PLXDC2: variants seen among roughly 807,000 people sequenced by gnomAD.
The protein encoded by PLXDC2 is plexin domain containing 2, also known as plexin domain-containing protein 2.
PLXDC2 carries 40 observed loss-of-function variants against 68.9 expected under a neutral mutation model. The ratio of observed to expected loss-of-function variants is 0.58; its 90% CI spans 0.45 to 0.76. The LOEUF is 0.76. Among genes scored for constraint, PLXDC2 ranks in the 30% least tolerant of loss-of-function variants. The pLI, the probability that PLXDC2 is intolerant of heterozygous loss-of-function variation, is 0.00. For synonymous variants in PLXDC2, 243 were observed against 234.2 expected, an observed-to-expected ratio of 1.04 and a Z score of -0.34; for missense variants, 644 against 661.9, an observed-to-expected ratio of 0.97 and a Z score of 0.30.
intron 1 of PLXDC2, among the ~76,000 whole-genome samples, chr10:19,924,902 C>T (rs1053253553): frequency 2.6e-5 from 4 of 152,094 alleles, no homozygotes; most frequent in African/African-American, 7.2e-5. Flanking sequence ...TTCCTGGTGC[C>T]CATTTTATTA....
intron 1 of PLXDC2, among the ~76,000 whole-genome samples, chr10:19,932,026 C>G (rs1248189450): frequency 6.6e-6 from 1 of 151,540 alleles, no homozygotes; most frequent in Admixed American, 6.6e-5. Context: ...GCCTGAAGAA[C>G]TTGCATGACT....
chr10:19,909,017 G>A (rs1589530919), intron 1 of PLXDC2, among the ~76,000 whole-genome samples: 2 of 152,168 alleles, frequency 1.3e-5, no homozygotes, highest in Non-Finnish European at 2.9e-5. Context: ...CTAGCAAAGT[G>A]GTCCTTATGA....
intron 1 of PLXDC2, among the ~76,000 whole-genome samples, chr10:19,978,925 G>T (rs1403003527): frequency 6.6e-6 from 1 of 152,110 alleles, no homozygotes; most frequent in Non-Finnish European, 1.5e-5. Flanking sequence ...GGAAATGATG[G>T]AACAAGAACA....
At chr10:20,058,150 G>A (rs1232674894) in intron 3 of PLXDC2, among the ~76,000 whole-genome samples, 1 of 152,062 alleles carries the variant, frequency 6.6e-6, no homozygotes, top group African/African-American at 2.4e-5. Flanking sequence ...TTTTCTAATT[G>A]GTACGTAATA....
At chr10:20,070,516 C>G (rs1836298030) in intron 4 of PLXDC2, among the ~76,000 whole-genome samples, 1 of 152,064 alleles carries the variant, frequency 6.6e-6, no homozygotes, top group Admixed American at 6.6e-5. Context: ...GTCTTTTGAC[C>G]TCATCGGATA....
chr10:19,919,223 T>C (rs1027600781), intron 1 of PLXDC2, among the ~76,000 whole-genome samples: 58 of 152,368 alleles, frequency 3.8e-4, no homozygotes, highest in African/African-American at 1.3e-3. Context: ...TATGTCATAT[T>C]CTTATCCAAA....
intron 1 of PLXDC2, among the ~76,000 whole-genome samples, chr10:19,906,170 G>T (rs1337575455): frequency 6.6e-6 from 1 of 152,046 alleles, no homozygotes; most frequent in Non-Finnish European, 1.5e-5. Context: ...ATGTGTTCAC[G>T]TGTGTGTGTG....
At chr10:20,118,021 T>C (rs989059078) in intron 4 of PLXDC2, among the ~76,000 whole-genome samples, 1 of 152,146 alleles carries the variant, frequency 6.6e-6, no homozygotes, top group East Asian at 1.9e-4. Flanking sequence ...ATGCCATCTC[T>C]TTCTGTCTCC....
intron 2 of PLXDC2, among the ~76,000 whole-genome samples, chr10:20,020,993 C>T (rs1835298419): frequency 6.6e-6 from 1 of 152,144 alleles, no homozygotes; most frequent in Admixed American, 6.5e-5. Flanking sequence ...CTGTTATTTC[C>T]TGTCTGAATA....
At chr10:20,142,655 G>A (rs1452861849) in intron 4 of PLXDC2, among the ~76,000 whole-genome samples, 2 of 152,012 alleles carry the variant, frequency 1.3e-5, no homozygotes, top group African/African-American at 2.4e-5. Flanking sequence ...AAATAGAGAG[G>A]CATTTGTGCA....
chr10:20,240,445 G>C (rs2119324670), intron 12 of PLXDC2, among the ~76,000 whole-genome samples: 1 of 152,090 alleles, frequency 6.6e-6, no homozygotes, highest in South Asian at 2.1e-4. Flanking sequence ...TATATACCCA[G>C]GATACTCTAA....
chr10:20,048,445 G>A (rs1010284272), intron 3 of PLXDC2, among the ~76,000 whole-genome samples: 1 of 151,752 alleles, frequency 6.6e-6, no homozygotes, highest in Non-Finnish European at 1.5e-5. Context: ...ATAATTCACA[G>A]TGGAATTTCC....
At chr10:20,217,133 C>A (rs1018959971) in intron 10 of PLXDC2, among the ~76,000 whole-genome samples, 1 of 151,996 alleles carries the variant, frequency 6.6e-6, no homozygotes, top group Non-Finnish European at 1.5e-5. Context: ...TATAAATATA[C>A]CAATGTAAAA....
chr10:19,942,054 C>A (rs1445182481), intron 1 of PLXDC2, among the ~76,000 whole-genome samples: 1 of 151,532 alleles, frequency 6.6e-6, no homozygotes, highest in East Asian at 1.9e-4. Flanking sequence ...AAGCAGAAAG[C>A]CCAAGTATTA....
intron 7 of PLXDC2, among the ~76,000 whole-genome samples, chr10:20,169,443 T>C (rs1338333934): frequency 6.6e-6 from 1 of 152,178 alleles, no homozygotes; most frequent in Non-Finnish European, 1.5e-5. Context: ...AATTTCTTGG[T>C]AAATAGCTCT....
At chr10:20,044,093 C>CCCCT (rs1835732401) in intron 2 of PLXDC2, among the ~76,000 whole-genome samples, 1 of 22,468 alleles carries the variant, frequency 4.5e-5, no homozygotes, top group Non-Finnish European at 9.2e-5. Flanking sequence ...CTGGCTTTTT[C>CCCCT]CCCTTCCTTC....
chr10:20,040,469 A>G lies in PLXDC2; in HGVS notation c.325-6400A>G, dbSNP rs142860052. On this transcript the variant is annotated intron_variant, in intron 2 of 13. Transcript: ENST00000377252. ...TGCACTTGTACGTGTTTCTACTTTCATGAATACTCATGACTCCTCCTGTAG... is the reference window on the plus strand; with the variant it reads ...TGCACTTGTACGTGTTTCTACTTTCGTGAATACTCATGACTCCTCCTGTAG... 4.6e-5 allele frequency among the ~76,000 whole-genome samples: 7 copies of G among 152,302 alleles called. No individual in the cohort carries two copies. The East Asian group carries it at 1.4e-3, about 29-fold the overall frequency.
intron 4 of PLXDC2, among the ~76,000 whole-genome samples, chr10:20,126,232 C>T (rs1216226487): frequency 3.4e-5 from 5 of 145,314 alleles, no homozygotes; most frequent in Non-Finnish European, 6.0e-5. Flanking sequence ...AATACATATA[C>T]GTTGTATAAT....
intron 1 of PLXDC2, among the ~76,000 whole-genome samples, chr10:19,829,118 C>T (rs74365286): frequency 1.3e-5 from 2 of 149,018 alleles, no homozygotes; most frequent in South Asian, 2.1e-4. Context: ...TGAAATTGTG[C>T]ACGTGCTTTT....
Sources: gnomAD v4.1 joint callset for allele counts (sites outside exome capture counted in the v4.1 genomes callset) on GRCh38, gnomAD v4.1.1 for gene constraint, MANE v1.5 for transcripts, NCBI Gene and HGNC (gene_info 2026-07-23, HGNC 2026-07-21) for gene names.